WLS: variants seen among roughly 807,000 people sequenced by gnomAD.
WLS encodes Wnt ligand secretion mediator, also known as protein wntless homolog.
Under a neutral mutation model 62.8 loss-of-function variants are expected in WLS, and 23 were observed. That is an observed-to-expected ratio of 0.37 (90% CI 0.26 to 0.52). The LOEUF is 0.52. Among genes scored for constraint, WLS ranks in the 20% least tolerant of loss-of-function variants. The probability of loss-of-function intolerance (pLI) is 0.92; values close to 1 mark genes in which losing one functional copy is unlikely to be tolerated. For missense variants in WLS, 615 were observed against 697.3 expected, an observed-to-expected ratio of 0.88 and a Z score of 1.33; for synonymous variants, 246 against 244.1, an observed-to-expected ratio of 1.01 and a Z score of -0.07.
At chr1:68,226,740 C>T (rs1423956627) in intron 1 of WLS, among the ~76,000 whole-genome samples, 4 of 152,118 alleles carry the variant, frequency 2.6e-5, no homozygotes, top group Admixed American at 6.5e-5. Context: ...CCTGAGCACA[C>T]AGTACACCCT....
intron 1 of WLS, among the ~76,000 whole-genome samples, chr1:68,200,511 C>T (rs187731949): frequency 9.7e-4 from 146 of 150,618 alleles, no homozygotes; most frequent in African/African-American, 3.5e-3. Context: ...CTACAAATTA[C>T]TTGGTCTATG....
intron 5 of WLS, among the ~76,000 whole-genome samples, chr1:68,150,827 T>G (rs190369989): frequency 8.7e-4 from 133 of 152,360 alleles, no homozygotes; most frequent in Non-Finnish European, 1.5e-3. Context: ...TAAATTCTCT[T>G]GACTGCTTGT....
chr1:68,227,478 G>C (rs985570734), intron 1 of WLS, among the ~76,000 whole-genome samples: 2 of 150,062 alleles, frequency 1.3e-5, no homozygotes, highest in South Asian at 2.1e-4. Context: ...GAACCAAATA[G>C]TTAAGTTTTT....
At chr1:68,107,101 ATG>A (rs1224743623) in intron 11 of WLS, among the ~76,000 whole-genome samples, 7 of 152,178 alleles carry the variant, frequency 4.6e-5, no homozygotes, top group East Asian at 1.9e-4. Context: ...GTATCGATTA[ATG>A]TGTCTTTCCA....
chr1:68,208,227 A>C (rs1248326642), intron 1 of WLS, among the ~76,000 whole-genome samples: 1 of 152,220 alleles, frequency 6.6e-6, no homozygotes, highest in Non-Finnish European at 1.5e-5. Context: ...AATTATCTTC[A>C]CAAATTATTA....
chr1:68,184,015 A>C (rs1378784089), intron 2 of WLS, among the ~76,000 whole-genome samples: 1 of 152,188 alleles, frequency 6.6e-6, no homozygotes, highest in Non-Finnish European at 1.5e-5. Context: ...TCATTACGTA[A>C]GAATAGGACT....
chr1:68,172,551 TATAA>T (rs1647170505), intron 2 of WLS, among the ~76,000 whole-genome samples: 1 of 152,128 alleles, frequency 6.6e-6, no homozygotes, highest in Non-Finnish European at 1.5e-5. Flanking sequence ...AAGGCAGGTA[TATAA>T]ATAAGTATAA....
chr1:68,199,602 C>T (rs1168987651), intron 1 of WLS, among the ~76,000 whole-genome samples: 2 of 152,110 alleles, frequency 1.3e-5, no homozygotes, highest in Non-Finnish European at 2.9e-5. Flanking sequence ...AACTGTAGTA[C>T]TACTCTTATC....
intron 10 of WLS, among the ~76,000 whole-genome samples, chr1:68,139,241 A>G (rs889070455): frequency 6.6e-6 from 1 of 152,222 alleles, no homozygotes; most frequent in African/African-American, 2.4e-5. Flanking sequence ...TTTCTGGCAA[A>G]GATGGATTTC....
chr1:68,183,857 C>T (rs1647743108), intron 2 of WLS, among the ~76,000 whole-genome samples: 1 of 152,036 alleles, frequency 6.6e-6, no homozygotes, highest in Non-Finnish European at 1.5e-5. Flanking sequence ...ATTTGTTATA[C>T]AGAAATGCTT....
chr1:68,195,432 A>G (rs1019948689), intron 1 of WLS, among the ~76,000 whole-genome samples: 10 of 152,244 alleles, frequency 6.6e-5, no homozygotes, highest in African/African-American at 2.4e-4. Flanking sequence ...GAAAGCACTC[A>G]GAGTAGTGCT....
intron 2 of WLS, among the ~76,000 whole-genome samples, chr1:68,173,338 C>A (rs1243589066): frequency 6.6e-6 from 1 of 152,190 alleles, no homozygotes; most frequent in African/African-American, 2.4e-5. Context: ...TTTGCTTTCT[C>A]TCCAGGACAC....
chr1:68,119,892 T>C (rs958795593), intron 11 of WLS, among the ~76,000 whole-genome samples: 2 of 152,198 alleles, frequency 1.3e-5, no homozygotes. Context: ...ACTTTCAATC[T>C]CTCAGCATCC....
chr1:68,124,832 T>C (rs1295996140), downstream of WLS, among the ~76,000 whole-genome samples: 2 of 152,186 alleles, frequency 1.3e-5, no homozygotes, highest in Non-Finnish European at 2.9e-5. Flanking sequence ...GACCTCAGTG[T>C]CTGAAAAACA....
intron 4 of WLS, among the ~76,000 whole-genome samples, chr1:68,154,828 A>G (rs1286989738): frequency 6.6e-6 from 1 of 152,236 alleles, no homozygotes; most frequent in East Asian, 1.9e-4. Context: ...AGTGTTATTC[A>G]TTATGCAATC....
chr1:68,118,432 C>T (rs1288844494), intron 11 of WLS, among the ~76,000 whole-genome samples: 2 of 152,204 alleles, frequency 1.3e-5, no homozygotes, highest in Non-Finnish European at 2.9e-5. Context: ...TGTATGCTTA[C>T]AGGTGTCCAT....
At chr1:68,138,549 T>C (rs1409844309) in intron 10 of WLS, 1 of 152,256 alleles carries the variant, frequency 6.6e-6, no homozygotes, top group Non-Finnish European at 1.5e-5. Flanking sequence ...TAGTTATTTC[T>C]ATAACATCCC....
chr1:68,232,104 G>A, intron 1 of WLS, 90 bp downstream of exon 1: 1 of 1,546,712 alleles, frequency 6.5e-7, no homozygotes, highest in Non-Finnish European at 8.8e-7. Flanking sequence ...AAGCAAGGCA[G>A]TGATACTGTA....
Position 68,153,594 on chromosome 1 carries a change from C to A in WLS, c.726G>T (p.Thr242=), listed in dbSNP as rs140267505. ...KVWFAMKTFL[T]PSIFIIMVWY... ...ACACCATAATGATGAAGATGCTGGG[C>A]GTAAGGAAGGTCTTCATGGCAAACC... Residue 242 remains threonine (T), a synonymous_variant, in exon 5 of 12, where the codon ACG becomes ACT. Transcript: ENST00000262348. The A allele has an allele frequency of 1.9e-6, 3 of 1,614,156 alleles. No homozygotes were observed. The highest frequency in any genetic ancestry group is 2.2e-5 in the South Asian group (2 of 91,072).
Sources: allele counts gnomAD v4.1 joint callset (sites outside exome capture counted in the v4.1 genomes callset), GRCh38; gene constraint gnomAD v4.1.1; transcripts MANE v1.5; gene names NCBI Gene and HGNC (gene_info 2026-07-23, HGNC 2026-07-21).